SLC7A1: variants seen among roughly 807,000 people sequenced by gnomAD.
SLC7A1 encodes solute carrier family 7 member 1, also known as high affinity cationic amino acid transporter 1.
In SLC7A1, 10 loss-of-function variants were observed where a neutral mutation model predicts 53.9. The observed-to-expected ratio is 0.19, with a 90% confidence interval of 0.11 to 0.31. The LOEUF (loss-of-function observed/expected upper bound fraction) is 0.31. Ranked by LOEUF, SLC7A1 falls within the 10% of genes least tolerant of loss-of-function variation. The probability of loss-of-function intolerance (pLI) is 1.00; values close to 1 mark genes in which losing one functional copy is unlikely to be tolerated. For missense variants in SLC7A1, 525 were observed against 827.2 expected (o/e 0.63, Z 4.48); for synonymous variants, 342 against 338.7 (o/e 1.01, Z -0.11).
chr13:29,567,746 A>G (rs1871030736), intron 1 of SLC7A1, among the ~76,000 whole-genome samples: 1 of 152,184 alleles, frequency 6.6e-6, no homozygotes. Flanking sequence ...TGTGGCCAGG[A>G]GCTCGGGAGA....
intron 1 of SLC7A1, among the ~76,000 whole-genome samples, chr13:29,585,367 T>C (rs1213537906): frequency 6.6e-6 from 1 of 152,094 alleles, no homozygotes; most frequent in Non-Finnish European, 1.5e-5. Context: ...TTTTGCAAAC[T>C]CCAAGTTGCC....
At position 29,523,181 on chromosome 13, in the gene SLC7A1, C is replaced by T. The variant is rs536585331; in HGVS notation, c.1049+85G>A. 6.6e-4 allele frequency: 721 copies of T among 1,100,626 alleles called. 6 individuals are homozygous for T. In the South Asian group the frequency reaches 8.7e-3, roughly 13 times the overall value. 68.2% of individuals were successfully genotyped at this position (1,100,626 alleles called of 1,614,324 possible). On this transcript the variant is annotated intron_variant, in intron 7 of 12. Coordinates refer to ENST00000380752, the MANE Select transcript of SLC7A1 (RefSeq NM_003045.5). The stretch of plus-strand genomic sequence containing the variant: ...GAATGCTGGCAGCCGATGTGTGTCT[C>T]GCATGGCTGTACCTGGCCTGCTATA...
At chr13:29,516,358 A>G in intron 11 of SLC7A1, 112 bp from the exon 12 acceptor site, 1 of 693,692 alleles carries the variant, frequency 1.4e-6, no homozygotes, top group Non-Finnish European at 2.5e-6. Context: ...CCGTCGGGCG[A>G]GTGTGGGGAA....
intron 1 of SLC7A1, among the ~76,000 whole-genome samples, 171 bp from the exon 2 acceptor site, chr13:29,554,031 T>C (rs554049698): frequency 4.1e-4 from 63 of 152,196 alleles, no homozygotes; most frequent in Non-Finnish European, 7.6e-4. Flanking sequence ...CCATGGGGCA[T>C]CATCGGGGGA....
In SLC7A1 at chr13:29,536,079, A is replaced by T; in HGVS notation, c.110T>A (p.Leu37Gln). The T allele has an allele frequency of 6.2e-7, 1 of 1,614,026 alleles. No homozygotes were observed. Among genetic ancestry groups the T allele is most frequent in the Non-Finnish European group, 8.5e-7 (1 of 1,180,048 alleles). Residue 37 changes from leucine to glutamine, a missense_variant, in exon 3 of 13, where the codon CTG becomes CAG. Around this residue, in one of 4 missense-constraint regions of SLC7A1, gnomAD observed 354 missense variants for 587.5 expected, o/e 0.60. Coordinates refer to ENST00000380752, the MANE Select transcript of SLC7A1 (RefSeq NM_003045.5). Reference sequence around the variant, plus strand: ...TGTGCTGCCCACCCCGAGGGCCACCAGATCAAAAGTGTTCAGGCAGCGAGA... The same window carrying T: ...TGTGCTGCCCACCCCGAGGGCCACCTGATCAAAAGTGTTCAGGCAGCGAGA... ...RLSRCLNTFD[L>Q]VALGVGSTLG...
intron 1 of SLC7A1, among the ~76,000 whole-genome samples, chr13:29,571,160 T>C (rs1327375268): frequency 6.6e-6 from 1 of 152,192 alleles, no homozygotes; most frequent in Non-Finnish European, 1.5e-5. Context: ...GCCATTAAAA[T>C]AGCAAAAATT....
chr13:29,515,720 C>T (rs900560970), intron 12 of SLC7A1, among the ~76,000 whole-genome samples: 1 of 152,230 alleles, frequency 6.6e-6, no homozygotes, highest in African/African-American at 2.4e-5. Context: ...CTCCCATAGG[C>T]TCCAAAGCAC....
intron 8 of SLC7A1, among the ~76,000 whole-genome samples, chr13:29,520,627 A>T (rs1868595102): frequency 6.6e-6 from 1 of 152,244 alleles, no homozygotes; most frequent in Non-Finnish European, 1.5e-5. Flanking sequence ...ACTTGGCTAC[A>T]TCTGCTTTGG....
intron 8 of SLC7A1, 59 bp downstream of exon 8, chr13:29,522,258 T>C (rs1355973023): frequency 2.6e-6 from 4 of 1,567,258 alleles, no homozygotes; most frequent in Non-Finnish European, 3.5e-6. Flanking sequence ...GACGTCTCCC[T>C]AGGGAGTAAT....
Position 29,523,247 on chromosome 13 carries a change from C to T in SLC7A1, c.1049+19G>A. 2 of 1,606,126 alleles carry T rather than the reference C, an allele frequency of 1.2e-6. No individual in the cohort carries two copies. Among genetic ancestry groups the T allele is most frequent in the Non-Finnish European group, 1.7e-6 (2 of 1,174,958 alleles). On this transcript the variant is annotated intron_variant, in intron 7 of 12. Coordinates refer to ENST00000380752, the MANE Select transcript of SLC7A1 (RefSeq NM_003045.5). Reference sequence around the variant, plus strand: ...GTGGTTCCACCCCTAGGAGCAGCCACCACAGAAAGGCCTCTCACCTGGCGG... The same window carrying T: ...GTGGTTCCACCCCTAGGAGCAGCCATCACAGAAAGGCCTCTCACCTGGCGG...
intron 2 of SLC7A1, among the ~76,000 whole-genome samples, chr13:29,550,052 C>A (rs1870103906): frequency 1.3e-5 from 2 of 152,184 alleles, no homozygotes. Flanking sequence ...TCTCCACTGC[C>A]ACAGAAAAAC....
rs560401671 is a variant in SLC7A1 at position 29,531,658 on chromosome 13, C to A, written c.530-946G>T. 6.6e-5 allele frequency among the ~76,000 whole-genome samples: 10 copies of A among 152,218 alleles called. No homozygotes were observed. In the East Asian group the frequency reaches 1.5e-3, roughly 24 times the overall value. On this transcript the variant is annotated intron_variant, in intron 4 of 12. Coordinates refer to ENST00000380752, the MANE Select transcript of SLC7A1 (RefSeq NM_003045.5). Reference sequence around the variant, plus strand: ...GACCAGCCTGGCCAATATGGCAAAACCTTACCTCTACTAAAAATATAAAAG... The same window carrying A: ...GACCAGCCTGGCCAATATGGCAAAAACTTACCTCTACTAAAAATATAAAAG...
chr13:29,548,396 C>T (rs1167800044), intron 2 of SLC7A1, among the ~76,000 whole-genome samples: 1 of 152,234 alleles, frequency 6.6e-6, no homozygotes, highest in Non-Finnish European at 1.5e-5. Context: ...GGAACCCATG[C>T]CCACTGGACA....
chr13:29,550,735 T>G (rs372978337), intron 2 of SLC7A1, among the ~76,000 whole-genome samples: 1 of 151,150 alleles, frequency 6.6e-6, no homozygotes, highest in Non-Finnish European at 1.5e-5. Context: ...TGTAGCCCTG[T>G]GAGACCCCAA....
At position 29,530,604 on chromosome 13, in the gene SLC7A1, G is replaced by A. The variant is rs1272337175; in HGVS notation, c.638C>T (p.Ser213Leu). The A allele has an allele frequency of 2.5e-6, 4 of 1,614,066 alleles. No homozygotes were observed. Among genetic ancestry groups the A allele is most frequent in the African/African-American group, 1.3e-5 (1 of 75,022 alleles). Residue 213 changes from serine (S) to leucine (L), a missense_variant, in exon 5 of 13, where the codon TCG becomes TTG. This residue lies in a region of SLC7A1 where 354 missense variants were observed against 587.5 expected (regional missense o/e 0.60). Transcript: ENST00000380752. The stretch of plus-strand genomic sequence containing the variant: ...CTCCGTGAGCTGCCAGTTTTTAACC[G>A]ATCCTTTCACAAATCCTGACACCAT... ...FIMVSGFVKG[S>L]VKNWQLTEED... is the part of the protein sequence containing the mutation.
At chr13:29,578,612 GGC>G (rs1871509979) in intron 1 of SLC7A1, among the ~76,000 whole-genome samples, 1 of 152,192 alleles carries the variant, frequency 6.6e-6, no homozygotes, top group African/African-American at 2.4e-5. Context: ...ATGCAAATCT[GGC>G]ACAATCTGTC....
At chr13:29,580,486 C>T (rs1272386112) in intron 1 of SLC7A1, among the ~76,000 whole-genome samples, 2 of 152,004 alleles carry the variant, frequency 1.3e-5, no homozygotes, top group South Asian at 2.1e-4. Context: ...TAAACACATG[C>T]GGAGAACACA....
At chr13:29,575,915 A>G (rs1333151775) in intron 1 of SLC7A1, among the ~76,000 whole-genome samples, 2 of 152,132 alleles carry the variant, frequency 1.3e-5, no homozygotes, top group Non-Finnish European at 2.9e-5. Context: ...ATTTTCACCA[A>G]ATATCATTAA....
chr13:29,520,797 T>C (rs1485851412), intron 8 of SLC7A1, among the ~76,000 whole-genome samples: 3 of 152,216 alleles, frequency 2.0e-5, no homozygotes, highest in Non-Finnish European at 4.4e-5. Flanking sequence ...GGAGGGCCTT[T>C]TGGATAATCA....
Sources: gnomAD v4.1 joint callset for allele counts (sites outside exome capture counted in the v4.1 genomes callset) on GRCh38, gnomAD v4.1.1 for gene constraint, gnomAD v4.1.1 regional missense constraint, MANE v1.5 for transcripts, NCBI Gene and HGNC (gene_info 2026-07-23, HGNC 2026-07-21) for gene names.